The following COL4A2 variants were observed in gnomAD, a reference collection of about 807,000 sequenced individuals.
COL4A2 encodes the protein collagen type IV alpha 2 chain.
Under a neutral mutation model 200.2 loss-of-function variants are expected in COL4A2, and 99 were observed. The observed-to-expected ratio is 0.49, with a 90% CI of 0.42 to 0.58. The LOEUF is 0.58. Ranked by LOEUF, COL4A2 falls within the 20% of genes least tolerant of loss-of-function variation. The probability of loss-of-function intolerance (pLI) is 0.00; values close to 1 mark genes in which losing one functional copy is unlikely to be tolerated. For synonymous variants in COL4A2, 897 were observed against 900.6 expected, an observed-to-expected ratio of 1.00 and a Z score of 0.07; for missense variants, 1,950 against 2,314.1, an observed-to-expected ratio of 0.84 and a Z score of 3.23.
Position 110,451,264 on chromosome 13 carries a change from G to A in COL4A2, c.1339+810G>A, listed in dbSNP as rs114727730. Among the ~76,000 whole-genome samples, 974 of 152,336 alleles carry A rather than the reference G, an allele frequency of 6.4e-3. 10 individuals carry two copies. The highest frequency in any genetic ancestry group is 0.02 in the African/African-American group (828 of 41,584). ...AGCATTCAGAGAGTTATGCTTTAAA[G>A]ACCAAGCTTGTCCAACCCACGGGCC... On this transcript the variant is annotated intron_variant, in intron 20 of 47. Transcript: ENST00000360467.
chr13:110,411,415 G>C (rs369938390), intron 4 of COL4A2, among the ~76,000 whole-genome samples: 1 of 152,194 alleles, frequency 6.6e-6, no homozygotes, highest in Non-Finnish European at 1.5e-5. Context: ...TACTACTTCA[G>C]AGTATTAGCC....
chr13:110,472,877 G>GAACGTCACC, intron 28 of COL4A2, 52 bp from the exon 29 acceptor site: 1 of 1,516,912 alleles, frequency 6.6e-7, no homozygotes, highest in Non-Finnish European at 9.0e-7. Context: ...TCTTCTCTTA[G>GAACGTCACC]AACGTCACCA....
At chr13:110,448,317 C>A (rs545321481) in intron 18 of COL4A2, among the ~76,000 whole-genome samples, 3 of 152,232 alleles carry the variant, frequency 2.0e-5, no homozygotes, top group Non-Finnish European at 4.4e-5. Context: ...ACCAACCCCT[C>A]CCTTCTCACC....
At chr13:110,434,815 C>T (rs914706773) in intron 12 of COL4A2, among the ~76,000 whole-genome samples, 1 of 152,204 alleles carries the variant, frequency 6.6e-6, no homozygotes, top group African/African-American at 2.4e-5. Context: ...GGAGCCATCT[C>T]AGGGACCAGG....
At chr13:110,412,676 G>T (rs1237330671) in intron 4 of COL4A2, among the ~76,000 whole-genome samples, 4 of 152,150 alleles carry the variant, frequency 2.6e-5, no homozygotes, top group African/African-American at 9.7e-5. Context: ...GCCCTGAATT[G>T]CTTACGCAGG....
At chr13:110,434,586 A>G in intron 12 of COL4A2, 144 bp downstream of exon 12, 1 of 809,052 alleles carries the variant, frequency 1.2e-6, no homozygotes, top group Non-Finnish European at 2.0e-6. Context: ...GGAAATAATC[A>G]TTGCAAAGTG....
chr13:110,442,442 G>A, intron 16 of COL4A2, among the ~76,000 whole-genome samples: 1 of 152,194 alleles, frequency 6.6e-6, no homozygotes. Context: ...CACTGGCCAG[G>A]TGGCCATCAC....
At chr13:110,436,056 A>G in intron 12 of COL4A2, 2 of 737,298 alleles carry the variant, frequency 2.7e-6, no homozygotes, top group East Asian at 2.6e-5. Flanking sequence ...GCTTTTATGC[A>G]TAAATTCTAA....
chr13:110,379,574 T>G (rs1461461469), intron 4 of COL4A2, among the ~76,000 whole-genome samples: 2 of 152,170 alleles, frequency 1.3e-5, no homozygotes, highest in Admixed American at 6.5e-5. Flanking sequence ...TCCTCCCTTC[T>G]CATGCACCCC....
At chr13:110,355,693 T>C (rs67275267) in intron 3 of COL4A2, among the ~76,000 whole-genome samples, 9 of 12,722 alleles carry the variant, frequency 7.1e-4, no homozygotes, top group Non-Finnish European at 8.9e-4. Context: ...TGGAGGGCTG[T>C]ACAGCTCACC....
intron 28 of COL4A2, among the ~76,000 whole-genome samples, chr13:110,472,364 C>A (rs1322435332): frequency 6.6e-6 from 1 of 152,136 alleles, no homozygotes; most frequent in Non-Finnish European, 1.5e-5. Flanking sequence ...ATTCACCCGC[C>A]TCGGCCTCCC....
At chr13:110,349,999 A>G (rs1471258706) in intron 3 of COL4A2, among the ~76,000 whole-genome samples, 1 of 152,094 alleles carries the variant, frequency 6.6e-6, no homozygotes, top group Admixed American at 6.5e-5. Flanking sequence ...CCTAACTTCA[A>G]GTGATCCACC....
intron 3 of COL4A2, among the ~76,000 whole-genome samples, chr13:110,318,032 A>AG (rs1181577347): frequency 6.6e-6 from 1 of 152,024 alleles, no homozygotes; most frequent in Non-Finnish European, 1.5e-5. Context: ...CGCCAACAGG[A>AG]GGATAGGTGT....
At chr13:110,473,903 T>C (rs1882577156) in intron 29 of COL4A2, among the ~76,000 whole-genome samples, 17 of 152,060 alleles carry the variant, frequency 1.1e-4, no homozygotes, top group Admixed American at 1.1e-3. Flanking sequence ...GGTAAGAGGA[T>C]TGATTGAGCC....
chr13:110,472,880 C>T lies in COL4A2; in HGVS notation c.2204-49C>T, dbSNP rs371878504. On this transcript the variant is annotated intron_variant, in intron 28 of 47. Transcript: ENST00000360467. The stretch of plus-strand genomic sequence containing the variant: ...CCTCTTTTTGACTCTTCTCTTAGAA[C>T]GTCACCATGCTAACTTGTGGTTTGG... 4.6e-5 allele frequency: 70 copies of T among 1,516,850 alleles called. No individual in the cohort carries two copies. The Middle Eastern group carries it at 6.9e-4, about 15-fold the overall frequency. 94.0% of individuals were successfully genotyped at this position (1,516,850 alleles called of 1,614,324 possible).
At position 110,430,573 on chromosome 13, in the gene COL4A2, G is replaced by T; in HGVS notation, c.614G>T (p.Gly205Val). 1 of 1,614,182 alleles carries T rather than the reference G, an allele frequency of 6.2e-7. No individual in the cohort carries two copies. The highest frequency in any genetic ancestry group is 2.2e-5 in the East Asian group (1 of 44,874). Residue 205 changes from glycine (G) to valine (V), a missense_variant, in exon 10 of 48, where the codon GGA (glycine) becomes GTA (valine). Gly to Val is a moderately radical substitution (Grantham distance 109). Transcript: ENST00000360467. ...QGPPGRPGHV[G>V]QMGPVGAPGR... Reference sequence around the variant, plus strand: ...CCTCCCGGCCGCCCTGGGCATGTGGGACAGATGGGTCCAGTTGGAGCTCCA... The same window carrying T: ...CCTCCCGGCCGCCCTGGGCATGTGGTACAGATGGGTCCAGTTGGAGCTCCA...
intron 20 of COL4A2, among the ~76,000 whole-genome samples, chr13:110,451,441 A>G (rs1881534886): frequency 6.6e-6 from 1 of 152,228 alleles, no homozygotes; most frequent in African/African-American, 2.4e-5. Flanking sequence ...TTATTAAAGG[A>G]AAGAGGTTTA....
At position 110,458,953 on chromosome 13, in the gene COL4A2, A is replaced by C; in HGVS notation, c.1596+19A>C. On this transcript the variant is annotated intron_variant, in intron 22 of 47. Coordinates refer to ENST00000360467, the MANE Select transcript of COL4A2 (RefSeq NM_001846.4). ...GCTCAAGGTGAGGAGCAATTTCATC[A>C]TGAAGCTGGCAAGACACTCTGAGGC... The C allele has an allele frequency of 6.5e-7, 1 of 1,527,844 alleles. No individual in the cohort carries two copies. The highest frequency in any genetic ancestry group is 8.8e-7 in the Non-Finnish European group (1 of 1,140,236). The allele number at this position is 1,527,844 out of a possible 1,614,324, so 94.6% of individuals were successfully genotyped here.
chr13:110,490,516 C>T (rs1181132875), intron 36 of COL4A2, among the ~76,000 whole-genome samples: 1 of 152,132 alleles, frequency 6.6e-6, no homozygotes, highest in Non-Finnish European at 1.5e-5. Context: ...AATGGAAAGA[C>T]GTGTTCAGTT....
Sources: gnomAD v4.1 joint callset for allele counts (sites outside exome capture counted in the v4.1 genomes callset) on GRCh38, gnomAD v4.1.1 for gene constraint, MANE v1.5 for transcripts, NCBI Gene and HGNC (gene_info 2026-07-23, HGNC 2026-07-21) for gene names.